Variants in CTNND1 observed in about 807,000 individuals in gnomAD.
The protein encoded by CTNND1 is catenin delta 1.
Under a neutral mutation model 112.1 loss-of-function variants are expected in CTNND1, and 16 were observed. The observed-to-expected ratio is 0.14, with a 90% confidence interval of 0.10 to 0.22. The LOEUF (loss-of-function observed/expected upper bound fraction) is 0.22. CTNND1 is among the 10% of genes least tolerant of loss of function. The pLI is 1.00. For missense variants in CTNND1, 1,008 were observed against 1,257.0 expected, an observed-to-expected ratio of 0.80 and a Z score of 3.00; for synonymous variants, 420 against 446.5, an observed-to-expected ratio of 0.94 and a Z score of 0.75.
chr11:57,792,226 T>G (rs985870503), intron 3 of CTNND1, among the ~76,000 whole-genome samples: 1 of 152,200 alleles, frequency 6.6e-6, no homozygotes, highest in African/African-American at 2.4e-5. Flanking sequence ...TGGTTAGAGT[T>G]GGAGAGGGAG....
chr11:57,787,511 ACT>A (rs1442193008), intron 1 of CTNND1, among the ~76,000 whole-genome samples: 3 of 152,190 alleles, frequency 2.0e-5, no homozygotes, highest in African/African-American at 7.2e-5. Flanking sequence ...CCTCACAACA[ACT>A]CTGAGTTAGA....
chr11:57,796,341 C>T, intron 5 of CTNND1, 116 bp from the exon 6 acceptor site: 1 of 973,488 alleles, frequency 1.0e-6, no homozygotes, highest in South Asian at 1.8e-5. Context: ...GAGCCGAGAT[C>T]ACGCCATTGC....
At chr11:57,798,348 A>T (rs150343739) in intron 6 of CTNND1, among the ~76,000 whole-genome samples, 34,009 of 146,140 alleles carry the variant, frequency 0.23, 4,056 homozygotes, top group Non-Finnish European at 0.31. Flanking sequence ...CTGTCTCAAA[A>T]AAAAAAAAAA....
At chr11:57,785,540 T>C (rs1591365830) in intron 1 of CTNND1, among the ~76,000 whole-genome samples, 1 of 151,804 alleles carries the variant, frequency 6.6e-6, no homozygotes, top group Non-Finnish European at 1.5e-5. Context: ...TATTGGTAGG[T>C]GATTTTTTTG....
Position 57,796,718 on chromosome 11 carries a change from T to C in CTNND1, c.682T>C (p.Tyr228His). 6.2e-7 allele frequency: 1 copy of C among 1,614,020 alleles called. No homozygotes were observed. Among genetic ancestry groups the C allele is most frequent in the Non-Finnish European group, 8.5e-7 (1 of 1,179,882 alleles). ...EDGYPGGSDNYGSLSRVTRIE... is the reference protein window; with the variant it reads ...EDGYPGGSDNHGSLSRVTRIE... The stretch of plus-strand genomic sequence containing the variant: ...TGGTTATCCAGGTGGCAGTGATAAC[T>C]ATGGCAGTCTGTCCCGGGTGACCCG... Residue 228 changes from tyrosine (Y) to histidine (H), a missense_variant, in exon 6 of 21, where the codon TAT (tyrosine) becomes CAT (histidine). Tyr to His is a moderately conservative substitution (Grantham distance 83). Around this residue, in one of 5 missense-constraint regions of CTNND1, gnomAD observed 404 missense variants for 457.9 expected, o/e 0.88. Coordinates refer to ENST00000399050, the MANE Select transcript of CTNND1 (RefSeq NM_001085458.2).
intron 16 of CTNND1, among the ~76,000 whole-genome samples, chr11:57,810,554 T>TTAGC (rs2063213837): frequency 1.3e-5 from 2 of 151,954 alleles, no homozygotes; most frequent in Admixed American, 1.3e-4. Context: ...AATCTTGAAC[T>TTAGC]CTGAGCTTAG....
At chr11:57,782,581 G>T (rs2059692235) in intron 1 of CTNND1, among the ~76,000 whole-genome samples, 1 of 152,190 alleles carries the variant, frequency 6.6e-6, no homozygotes, top group Admixed American at 6.5e-5. Context: ...GGAACAGTTG[G>T]CCCCCTTTGA....
chr11:57,792,528 A>G (rs2060872563), intron 3 of CTNND1, among the ~76,000 whole-genome samples: 1 of 152,204 alleles, frequency 6.6e-6, no homozygotes, highest in Non-Finnish European at 1.5e-5. Flanking sequence ...AACAGTACTC[A>G]TGCCCTGATA....
At chr11:57,803,335 G>A (rs1013015895) in intron 7 of CTNND1, among the ~76,000 whole-genome samples, 16 of 152,282 alleles carry the variant, frequency 1.1e-4, no homozygotes, top group African/African-American at 2.6e-4. Flanking sequence ...TGATCCGCCC[G>A]CCTTGGCCTC....
intron 6 of CTNND1, among the ~76,000 whole-genome samples, chr11:57,797,786 G>A (rs2061517651): frequency 7.4e-6 from 1 of 135,298 alleles, no homozygotes. Flanking sequence ...AGGTTGTGGT[G>A]AGCCAAGATC....
Position 57,761,873 on chromosome 11 carries a change from G to A in CTNND1, c.-460G>A. ...AACTTCCATTTTAGGTGTTGGATCT[G>A]AGGGGGAAAAAAAAGAGAGAGGGAG... On this transcript the variant is annotated 5_prime_UTR_variant, in exon 1 of 21. Transcript: ENST00000399050. 3 of 985,010 alleles carry A rather than the reference G, an allele frequency of 3.0e-6. No individual in the cohort carries two copies. Among genetic ancestry groups the A allele is most frequent in the Middle Eastern group, 5.2e-4 (1 of 1,914 alleles). 61.0% of individuals were successfully genotyped at this position (985,010 alleles called of 1,614,324 possible).
intron 6 of CTNND1, among the ~76,000 whole-genome samples, chr11:57,798,377 A>T (rs1049515075): frequency 6.6e-6 from 1 of 151,672 alleles, no homozygotes; most frequent in Non-Finnish European, 1.5e-5. Flanking sequence ...AAAAAACCCC[A>T]AAACAAAACA....
intron 17 of CTNND1, chr11:57,813,847 G>T (rs1054519670): frequency 6.6e-6 from 1 of 152,420 alleles, no homozygotes; most frequent in Non-Finnish European, 1.5e-5. Context: ...CATGTAAGAA[G>T]TTTACCATTA....
In CTNND1 at chr11:57,814,482, G is replaced by A. The variant is rs1289820560; in HGVS notation, c.2701+109G>A. 4 of 728,540 alleles carry A rather than the reference G, an allele frequency of 5.5e-6. No individual in the cohort carries two copies. In the East Asian group the frequency reaches 1.1e-4, roughly 20 times the overall value. 45.1% of individuals were successfully genotyped at this position (728,540 alleles called of 1,614,324 possible). ...AATACCCTTACCATTTACCATCCTG[G>A]GAGAGCATTGGCTGATCATTTCCAT... On this transcript the variant is annotated intron_variant, in intron 18 of 20. Transcript: ENST00000399050.
chr11:57,782,033 GA>G (rs1377824949), intron 1 of CTNND1, among the ~76,000 whole-genome samples: 1 of 151,526 alleles, frequency 6.6e-6, no homozygotes, highest in African/African-American at 2.4e-5. Flanking sequence ...TGGTGGAGGT[GA>G]TTTTTTTTTT....
intron 12 of CTNND1, among the ~76,000 whole-genome samples, chr11:57,807,605 CAAAAAAAAAAA>C (rs71470294): frequency 3.1e-4 from 9 of 29,216 alleles, no homozygotes; most frequent in Middle Eastern, 0.029. Context: ...AACTCCGTCT[CAAAAAAAAAAA>C]AAAAAAAAAA....
rs1427001321 is a variant in CTNND1, at chr11:57,814,286, T to A, written c.2639-25T>A. The A allele has an allele frequency of 1.9e-6, 3 of 1,580,656 alleles. No homozygotes were observed. In the African/African-American group the frequency reaches 4.0e-5, roughly 21 times the overall value. On this transcript the variant is annotated intron_variant, in intron 17 of 20. Transcript: ENST00000399050. ...AGATTTTGAAGAATTGTTTTTGACATGGATAACTTTCTGACTTCATACAGA... is the reference window on the plus strand; with the variant it reads ...AGATTTTGAAGAATTGTTTTTGACAAGGATAACTTTCTGACTTCATACAGA...
chr11:57,793,898 C>G, intron 3 of CTNND1, 112 bp from the exon 4 acceptor site: 1 of 979,300 alleles, frequency 1.0e-6, no homozygotes, highest in Non-Finnish European at 1.6e-6. Context: ...GGACTCCAGG[C>G]CACACATATC....
rs200424164 is a variant in CTNND1, at chr11:57,801,868, A to T, written c.1092A>T (p.Arg364Ser). 2 of 1,614,038 alleles carry T rather than the reference A, an allele frequency of 1.2e-6. No individual in the cohort carries two copies. Residue 364 changes from arginine (R) to serine (S), a missense_variant, in exon 7 of 21, where the codon AGA becomes AGT. Physicochemically the swap from Arg to Ser is moderately radical, Grantham distance 110. This residue lies in a region of CTNND1 where 216 missense variants were observed against 342.8 expected (regional missense o/e 0.63). Transcript: ENST00000399050. ...GAGGGCCTCCACCTCCTAATTGGAGACAGCCAGAGCTGCCAGAGGTGATCG... is the reference window on the plus strand; with the variant it reads ...GAGGGCCTCCACCTCCTAATTGGAGTCAGCCAGAGCTGCCAGAGGTGATCG... ...RKGGPPPPNW[R>S]QPELPEVIAM... is the part of the protein sequence containing the mutation.
Sources: allele counts gnomAD v4.1 joint callset (sites outside exome capture counted in the v4.1 genomes callset), GRCh38; gene constraint gnomAD v4.1.1; regional missense constraint gnomAD v4.1.1; transcripts MANE v1.5; gene names NCBI Gene and HGNC (gene_info 2026-07-23, HGNC 2026-07-21).